Variants in LYN observed in about 807,000 individuals in gnomAD.
LYN encodes LYN proto-oncogene, Src family tyrosine kinase.
LYN carries 12 observed loss-of-function variants against 65.0 expected under a neutral mutation model. The ratio of observed to expected loss-of-function variants is 0.18; its 90% CI spans 0.12 to 0.30. The LOEUF (loss-of-function observed/expected upper bound fraction) is 0.30. Ranked by LOEUF, LYN falls within the 10% of genes least tolerant of loss-of-function variation. The pLI, the probability that LYN is intolerant of heterozygous loss-of-function variation, is 1.00. For missense variants in LYN, 380 were observed against 623.2 expected (o/e 0.61, Z 4.16); for synonymous variants, 222 against 221.2 (o/e 1.00, Z -0.03).
At chr8:55,939,100 A>C (rs1806522944) in intron 1 of LYN, among the ~76,000 whole-genome samples, 1 of 152,190 alleles carries the variant, frequency 6.6e-6, no homozygotes, top group South Asian at 2.1e-4. Flanking sequence ...TATTTTCTAC[A>C]TTTCTGGTAC....
rs527718511 is a variant in LYN at position 55,969,592 on chromosome 8, T to C, written c.974-125T>C. On this transcript the variant is annotated intron_variant, in intron 9 of 12. Transcript: ENST00000519728. ...GCCAGGAAAAGGCTTTATATAACCA[T>C]ACAGAATTGCAAAGCCAATCATTTT... The C allele has an allele frequency of 2.1e-4, 157 of 764,624 alleles. 1 individual carries two copies. In the African/African-American group the frequency reaches 2.4e-3, roughly 12 times the overall value. 47.4% of individuals were successfully genotyped at this position (764,624 alleles called of 1,614,324 possible).
At chr8:55,924,881 G>A (rs772199223) in intron 1 of LYN, among the ~76,000 whole-genome samples, 10 of 151,974 alleles carry the variant, frequency 6.6e-5, no homozygotes, top group Non-Finnish European at 1.0e-4. Context: ...TCTCTCTGTT[G>A]CCCAGGCTGC....
intron 1 of LYN, among the ~76,000 whole-genome samples, chr8:55,895,254 A>G (rs1805062071): frequency 6.6e-6 from 1 of 152,126 alleles, no homozygotes; most frequent in South Asian, 2.1e-4. Context: ...GAATGGAGGG[A>G]ATATTGGACT....
At position 55,899,538 on chromosome 8, in the gene LYN, T is replaced by G. The variant is rs1805202199; in HGVS notation, c.-6+19435T>G. Among the ~76,000 whole-genome samples, 2 of 152,224 alleles carry G rather than the reference T, an allele frequency of 1.3e-5. 1 individual carries two copies. The highest frequency in any genetic ancestry group is 4.1e-4 in the South Asian group (2 of 4,836). On this transcript the variant is annotated intron_variant, in intron 1 of 12. Coordinates refer to ENST00000519728, the MANE Select transcript of LYN (RefSeq NM_002350.4). ...TATAATGCAGAGAACATTTATTGAG[T>G]GCACACGGTATGTCATTCGTTCTTC... is the stretch of plus-strand genomic sequence containing the variant.
chr8:55,955,912 T>C (rs1807093723), intron 8 of LYN, among the ~76,000 whole-genome samples: 1 of 152,262 alleles, frequency 6.6e-6, no homozygotes, highest in Non-Finnish European at 1.5e-5. Flanking sequence ...TTTGTTTATC[T>C]ACTTATCCAT....
chr8:55,963,531 C>T (rs1359389532), intron 8 of LYN, among the ~76,000 whole-genome samples: 2 of 152,142 alleles, frequency 1.3e-5, no homozygotes, highest in Non-Finnish European at 2.9e-5. Context: ...CAGAATGAGG[C>T]CTAGGGCAGC....
At chr8:55,957,303 G>T (rs997334292) in intron 8 of LYN, among the ~76,000 whole-genome samples, 2 of 152,226 alleles carry the variant, frequency 1.3e-5, no homozygotes, top group African/African-American at 4.8e-5. Context: ...CTAGTTATTG[G>T]AAGCTATATT....
In LYN at chr8:55,911,085, A is replaced by ATG. The variant is rs1280609338; in HGVS notation, c.-5-30769_-5-30768insGT. 3.3e-4 allele frequency among the ~76,000 whole-genome samples: 5 copies of ATG among 15,294 alleles called. 1 individual carries two copies. Among genetic ancestry groups the ATG allele is most frequent in the Non-Finnish European group, 5.5e-4 (5 of 9,072 alleles). 10.0% of individuals were successfully genotyped at this position (15,294 alleles called of 152,430 possible). A position where few individuals can be genotyped will look rare whatever the true frequency, so the allele number is the denominator to read the frequency against. On this transcript the variant is annotated intron_variant, in intron 1 of 12. Transcript: ENST00000519728. ...CTAATTTATATATATATACATACAT[A>ATG]TATATATATATATACATACACGTAT...
chr8:55,993,562 C>T (rs937804287), intron 10 of LYN, among the ~76,000 whole-genome samples: 2 of 152,180 alleles, frequency 1.3e-5, no homozygotes, highest in African/African-American at 4.8e-5. Flanking sequence ...CCCCTTCACT[C>T]TGCAGCTTTC....
Position 56,014,133 on chromosome 8 carries a change from A to G in LYN, c.*4023A>G, listed in dbSNP as rs1036052489. 6 of 152,222 alleles carry G rather than the reference A, an allele frequency of 3.9e-5. No individual in the cohort carries two copies. Among genetic ancestry groups the G allele is most frequent in the African/African-American group, 1.2e-4 (5 of 41,454 alleles). The allele number at this position is 152,222 out of a possible 1,614,324, so 9.4% of individuals were successfully genotyped here. ...AGAAGGAATAGATTGGCTTCGCTTC[A>G]TATTGTTTCCTTGTGAAATAAAACC... On this transcript the variant is annotated 3_prime_UTR_variant, in exon 13 of 13. Transcript: ENST00000519728.
At chr8:55,992,710 A>G (rs550660534) in intron 10 of LYN, among the ~76,000 whole-genome samples, 2 of 152,230 alleles carry the variant, frequency 1.3e-5, no homozygotes, top group South Asian at 4.1e-4. Flanking sequence ...CTGCTTCTCA[A>G]ACTCTAAGCT....
intron 2 of LYN, among the ~76,000 whole-genome samples, chr8:55,945,736 C>G (rs954991160): frequency 1.3e-5 from 2 of 152,178 alleles, no homozygotes; most frequent in Non-Finnish European, 2.9e-5. Flanking sequence ...ACTCACCCCC[C>G]CACTGAAATA....
chr8:56,003,687 G>A (rs111953180), intron 12 of LYN, among the ~76,000 whole-genome samples: 14 of 137,474 alleles, frequency 1.0e-4, no homozygotes, highest in African/African-American at 4.4e-4. Flanking sequence ...AAAAAAAAAA[G>A]AAGAAGTCAT....
chr8:55,968,981 T>A (rs1270845560), intron 9 of LYN, among the ~76,000 whole-genome samples: 1 of 152,210 alleles, frequency 6.6e-6, no homozygotes. Context: ...CACAGTTCAC[T>A]CATCAAATAT....
chr8:55,991,715 A>G (rs1808255157), intron 10 of LYN, among the ~76,000 whole-genome samples: 1 of 152,246 alleles, frequency 6.6e-6, no homozygotes, highest in African/African-American at 2.4e-5. Flanking sequence ...TCAGGAAACA[A>G]TCACCTTGCT....
chr8:56,006,477 A>G (rs1808677128), intron 12 of LYN, among the ~76,000 whole-genome samples: 1 of 152,038 alleles, frequency 6.6e-6, no homozygotes, highest in South Asian at 2.1e-4. Flanking sequence ...GTCACTAGCT[A>G]TCTGTTCCTT....
chr8:55,978,338 G>T (rs1209212781), intron 10 of LYN, among the ~76,000 whole-genome samples: 1 of 152,238 alleles, frequency 6.6e-6, no homozygotes, highest in Admixed American at 6.5e-5. Flanking sequence ...GGTCAGTGTT[G>T]CCTATCACAG....
intron 1 of LYN, among the ~76,000 whole-genome samples, chr8:55,887,172 C>A (rs973771321): frequency 6.6e-6 from 1 of 152,174 alleles, no homozygotes; most frequent in African/African-American, 2.4e-5. Flanking sequence ...CACGGCCAGG[C>A]GGCCAGGCGC....
chr8:55,927,096 CATTA>C (rs1407289584), intron 1 of LYN, among the ~76,000 whole-genome samples: 1 of 152,196 alleles, frequency 6.6e-6, no homozygotes, highest in Non-Finnish European at 1.5e-5. Flanking sequence ...AATGTTGATA[CATTA>C]ATTAAAATCT....
Sources: gnomAD v4.1 joint callset for allele counts (sites outside exome capture counted in the v4.1 genomes callset) on GRCh38, gnomAD v4.1.1 for gene constraint, MANE v1.5 for transcripts, NCBI Gene and HGNC (gene_info 2026-07-23, HGNC 2026-07-21) for gene names.